RNF150: variants seen among roughly 807,000 people sequenced by gnomAD.
RNF150 encodes the protein ring finger protein 150.
Under a neutral mutation model 39.3 loss-of-function variants are expected in RNF150, and 24 were observed. That is an observed-to-expected ratio of 0.61 (90% CI 0.44 to 0.86). The LOEUF is 0.86. Among genes scored for constraint, RNF150 ranks in the 40% least tolerant of loss-of-function variants. The pLI is 0.00. For missense variants in RNF150, 502 were observed against 587.8 expected (o/e 0.85, Z 1.51); for synonymous variants, 255 against 227.3 (o/e 1.12, Z -1.10).
At chr4:141,137,684 TG>T (rs1005372412), upstream of RNF150, among the ~76,000 whole-genome samples, 2 of 152,180 alleles carry the variant, frequency 1.3e-5, no homozygotes, top group East Asian at 3.8e-4. Context: ...CATTGAGTCT[TG>T]GGGGGAAGAT....
chr4:141,132,407 G>A lies in RNF150; in HGVS notation c.402C>T (p.Asn134=). The A allele has an allele frequency of 1.2e-6, 2 of 1,608,266 alleles. No individual in the cohort carries two copies. Among genetic ancestry groups the A allele is most frequent in the Non-Finnish European group, 8.5e-7 (1 of 1,177,836 alleles). The change falls in exon 1 of 7, where the codon AAC becomes AAT. Residue 134 remains asparagine, a synonymous_variant. Transcript: ENST00000515673. The surrounding 1 kb of genome is among the most constrained non-coding windows in gnomAD (Gnocchi z 4.9). The part of the protein sequence containing the change: ...GNCTYRDKIR[N]AFLQNASAVV... ...CGGCTGAGGCGTTCTGCAGGAACGC[G>A]TTCCGGATCTTATCCCTGTACGTGC...
intron 4 of RNF150, among the ~76,000 whole-genome samples, chr4:140,932,202 T>TA (rs1302484672): frequency 6.6e-6 from 1 of 152,236 alleles, no homozygotes; most frequent in Non-Finnish European, 1.5e-5. Flanking sequence ...CTAGTACTTC[T>TA]ATGCATACCC....
At chr4:141,088,306 T>C (rs10857389) in intron 1 of RNF150, among the ~76,000 whole-genome samples, 113,500 of 151,912 alleles carry the variant, frequency 0.75, 43,322 homozygotes, top group East Asian at 1. Context: ...TTCTTCTTCT[T>C]ACTCCATGAA....
intron 1 of RNF150, among the ~76,000 whole-genome samples, chr4:141,022,928 A>G (rs1264649699): frequency 6.6e-6 from 1 of 152,122 alleles, no homozygotes; most frequent in African/African-American, 2.4e-5. Context: ...TAAATTTGCC[A>G]CTCTGCAGTG....
At chr4:140,880,997 A>G (rs983271986) in intron 6 of RNF150, among the ~76,000 whole-genome samples, 1 of 151,928 alleles carries the variant, frequency 6.6e-6, no homozygotes. Flanking sequence ...TTGTCTTTCT[A>G]TTCTCTATTT....
intron 4 of RNF150, among the ~76,000 whole-genome samples, chr4:140,928,981 T>A (rs1468903579): frequency 6.6e-6 from 1 of 152,186 alleles, no homozygotes; most frequent in Middle Eastern, 3.2e-3. Context: ...GATTCACTGT[T>A]GCATCCTGGC....
At chr4:141,035,419 A>G (rs1578655170) in intron 1 of RNF150, among the ~76,000 whole-genome samples, 1 of 152,192 alleles carries the variant, frequency 6.6e-6, no homozygotes, top group South Asian at 2.1e-4. Flanking sequence ...AAAGAATGCT[A>G]TGACTTAGTG....
At chr4:141,189,590 C>G (rs893378614) in intron 1 of RNF150, among the ~76,000 whole-genome samples, 1 of 152,144 alleles carries the variant, frequency 6.6e-6, no homozygotes, top group South Asian at 2.1e-4. Flanking sequence ...TTCAGAGATG[C>G]CCTGCTCAGT....
chr4:140,941,820 A>G (rs1198323991), intron 4 of RNF150, among the ~76,000 whole-genome samples: 1 of 152,200 alleles, frequency 6.6e-6, no homozygotes, highest in Non-Finnish European at 1.5e-5. Context: ...CAATAATAAT[A>G]TAAATATATA....
chr4:141,015,941 T>G (rs1735255246), intron 1 of RNF150, among the ~76,000 whole-genome samples: 1 of 151,336 alleles, frequency 6.6e-6, no homozygotes, highest in African/African-American at 2.4e-5. Context: ...TTTTGGGGGG[T>G]GGGGTGTGTG....
intron 1 of RNF150, among the ~76,000 whole-genome samples, chr4:141,098,119 A>G (rs991353591): frequency 1.3e-5 from 2 of 152,178 alleles, no homozygotes; most frequent in Non-Finnish European, 2.9e-5. Context: ...TCTACAGCCA[A>G]TTTCCTGCCT....
At chr4:141,114,997 A>C (rs546468710) in intron 1 of RNF150, among the ~76,000 whole-genome samples, 2 of 152,312 alleles carry the variant, frequency 1.3e-5, no homozygotes, top group South Asian at 4.1e-4. Context: ...ATATCTCAAA[A>C]TAATAAGAGC....
At chr4:141,201,765 C>T (rs1054542198) in intron 1 of RNF150, among the ~76,000 whole-genome samples, 6 of 152,010 alleles carry the variant, frequency 3.9e-5, no homozygotes, top group Non-Finnish European at 8.8e-5. Flanking sequence ...GCCAATGTTC[C>T]TTCCTTATAG....
chr4:140,949,662 T>C (rs1222521905), intron 2 of RNF150, among the ~76,000 whole-genome samples: 1 of 139,726 alleles, frequency 7.2e-6, no homozygotes, highest in Non-Finnish European at 1.6e-5. Context: ...GCAGGTTATA[T>C]GTGCATACAC....
chr4:141,194,815 C>T (rs1728170789), intron 1 of RNF150, among the ~76,000 whole-genome samples: 1 of 152,162 alleles, frequency 6.6e-6, no homozygotes, highest in Non-Finnish European at 1.5e-5. Flanking sequence ...TGGAGCCAGA[C>T]TGCCCGAGTT....
chr4:141,093,249 C>G (rs1448736905), intron 1 of RNF150, among the ~76,000 whole-genome samples: 1 of 151,852 alleles, frequency 6.6e-6, no homozygotes, highest in Non-Finnish European at 1.5e-5. Context: ...GCCTGTAGTC[C>G]CAGCTGCTTG....
chr4:141,029,106 G>A (rs534172710), intron 1 of RNF150, among the ~76,000 whole-genome samples: 1 of 152,304 alleles, frequency 6.6e-6, no homozygotes, highest in South Asian at 2.1e-4. Flanking sequence ...TAATGAAGAA[G>A]TTAACTATAT....
Position 140,942,906 on chromosome 4 carries a change from G to A in RNF150, c.890+4748C>T, listed in dbSNP as rs117885888. Among the ~76,000 whole-genome samples the A allele has an allele frequency of 3.3e-5, 5 of 152,272 alleles. No homozygotes were observed. The East Asian group carries it at 9.6e-4, about 29-fold the overall frequency. ...AACTCTGACAATAATAACCCAGCAG[G>A]ACATGCTGCCCCTACGCGCCACATA... is the stretch of plus-strand genomic sequence containing the variant. On this transcript the variant is annotated intron_variant, in intron 4 of 6. Transcript: ENST00000515673.
intron 6 of RNF150, among the ~76,000 whole-genome samples, chr4:140,884,689 T>G (rs1310148236): frequency 2.0e-5 from 3 of 151,874 alleles, no homozygotes; most frequent in Non-Finnish European, 4.4e-5. Flanking sequence ...ATCACTTTTG[T>G]TTTTTTTGGC....
Sources: allele counts gnomAD v4.1 joint callset (sites outside exome capture counted in the v4.1 genomes callset), GRCh38; gene constraint gnomAD v4.1.1; non-coding constraint Gnocchi (gnomAD v3.1); transcripts MANE v1.5; gene names NCBI Gene and HGNC (gene_info 2026-07-23, HGNC 2026-07-21).